RAPGEF5: variants seen among roughly 807,000 people sequenced by gnomAD.
The protein encoded by RAPGEF5 is M-Ras-regulated GEF.
RAPGEF5 carries 65 observed loss-of-function variants against 125.2 expected under a neutral mutation model. The ratio of observed to expected loss-of-function variants is 0.52; its 90% CI spans 0.43 to 0.64. RAPGEF5 has a LOEUF of 0.64. Among genes scored for constraint, RAPGEF5 ranks in the 30% least tolerant of loss-of-function variants. The pLI, the probability that RAPGEF5 is intolerant of heterozygous loss-of-function variation, is 0.00. For missense variants in RAPGEF5, 958 were observed against 1,048.1 expected, an observed-to-expected ratio of 0.91 and a Z score of 1.19; for synonymous variants, 391 against 385.9, an observed-to-expected ratio of 1.01 and a Z score of -0.16.
chr7:22,222,648 T>C (rs1785820209), intron 8 of RAPGEF5, among the ~76,000 whole-genome samples: 1 of 152,180 alleles, frequency 6.6e-6, no homozygotes, highest in South Asian at 2.1e-4. Flanking sequence ...ACAATTTCCT[T>C]ATAGGCTGTA....
Position 22,121,835 on chromosome 7 carries a change from T to C in RAPGEF5, c.*571A>G, listed in dbSNP as rs1323959449. Reference sequence around the variant, plus strand: ...CATTGTTCATCTGCCCATCAGAGCATGGATGCTAGCTGCAGTCCTCACTAA... The same window carrying C: ...CATTGTTCATCTGCCCATCAGAGCACGGATGCTAGCTGCAGTCCTCACTAA... On this transcript the variant is annotated 3_prime_UTR_variant, in exon 26 of 26. Transcript: ENST00000665637. 1 of 153,700 alleles carries C rather than the reference T, an allele frequency of 6.5e-6. No individual in the cohort carries two copies. The highest frequency in any genetic ancestry group is 1.5e-5 in the Non-Finnish European group (1 of 68,706). The allele number at this position is 153,700 out of a possible 1,614,324, so 9.5% of individuals were successfully genotyped here.
intron 16 of RAPGEF5, among the ~76,000 whole-genome samples, chr7:22,154,855 T>C (rs1240598938): frequency 6.6e-6 from 1 of 152,212 alleles, no homozygotes; most frequent in African/African-American, 2.4e-5. Flanking sequence ...AAGTAGTATT[T>C]AATCTTTTCA....
At chr7:22,142,063 T>C (rs966324468) in intron 20 of RAPGEF5, among the ~76,000 whole-genome samples, 3 of 152,134 alleles carry the variant, frequency 2.0e-5, no homozygotes, top group African/African-American at 7.2e-5. Flanking sequence ...TCCTCCTGAG[T>C]TGATGTTTTG....
At chr7:22,160,945 C>A (rs879359796) in intron 13 of RAPGEF5, among the ~76,000 whole-genome samples, 1 of 152,074 alleles carries the variant, frequency 6.6e-6, no homozygotes, top group Non-Finnish European at 1.5e-5. Flanking sequence ...GCCTGTAATT[C>A]CAACACTTTG....
chr7:22,215,821 T>C (rs1785624048), intron 9 of RAPGEF5, among the ~76,000 whole-genome samples: 1 of 152,150 alleles, frequency 6.6e-6, no homozygotes, highest in Non-Finnish European at 1.5e-5. Flanking sequence ...GAAAGAAAAG[T>C]TTGTGTAGTC....
At chr7:22,233,009 A>G (rs1368434494) in intron 7 of RAPGEF5, among the ~76,000 whole-genome samples, 1 of 152,214 alleles carries the variant, frequency 6.6e-6, no homozygotes, top group East Asian at 1.9e-4. Flanking sequence ...AGTTCCATTC[A>G]TGCCTGTTCA....
chr7:22,221,937 T>C (rs2128132961), intron 8 of RAPGEF5, among the ~76,000 whole-genome samples: 1 of 152,114 alleles, frequency 6.6e-6, no homozygotes, highest in Middle Eastern at 3.4e-3. Flanking sequence ...GAGAATATGG[T>C]AGTGAACATA....
At chr7:22,244,060 T>C (rs1256977515) in intron 7 of RAPGEF5, among the ~76,000 whole-genome samples, 3 of 152,216 alleles carry the variant, frequency 2.0e-5, no homozygotes, top group Admixed American at 1.3e-4. Context: ...TCTCTTTCTG[T>C]GCCTGGCTTA....
At chr7:22,290,639 G>A (rs1782910144) in intron 6 of RAPGEF5, among the ~76,000 whole-genome samples, 1 of 151,112 alleles carries the variant, frequency 6.6e-6, no homozygotes, top group Non-Finnish European at 1.5e-5. Flanking sequence ...CAGCTACTTG[G>A]GAGGCTGAGG....
intron 18 of RAPGEF5, 121 bp from the exon 19 acceptor site, chr7:22,147,140 A>T (rs917198442): frequency 1.6e-6 from 2 of 1,283,232 alleles, no homozygotes; most frequent in African/African-American, 3.0e-5. Flanking sequence ...AGTGCACTTA[A>T]TATTTTCCCT....
At chr7:22,143,743 A>T (rs1355259509) in intron 20 of RAPGEF5, among the ~76,000 whole-genome samples, 2 of 152,196 alleles carry the variant, frequency 1.3e-5, no homozygotes, top group Non-Finnish European at 2.9e-5. Flanking sequence ...CCCTTGGGGT[A>T]TGAGCTCTCG....
At chr7:22,171,066 G>GTGGT (rs1784335302) in intron 11 of RAPGEF5, among the ~76,000 whole-genome samples, 1 of 150,860 alleles carries the variant, frequency 6.6e-6, no homozygotes, top group Non-Finnish European at 1.5e-5. Flanking sequence ...AAGTAATTGA[G>GTGGT]TGGTATGAAT....
intron 11 of RAPGEF5, among the ~76,000 whole-genome samples, chr7:22,184,633 C>A (rs1309463068): frequency 2.4e-4 from 36 of 152,202 alleles, no homozygotes; most frequent in Admixed American, 2.4e-3. Context: ...AAAACTTCCA[C>A]ATTTTTCCGT....
At chr7:22,138,801 T>C (rs1342498213) in intron 21 of RAPGEF5, among the ~76,000 whole-genome samples, 2 of 152,196 alleles carry the variant, frequency 1.3e-5, no homozygotes, top group Admixed American at 6.5e-5. Flanking sequence ...AATTGAGTTA[T>C]TTCTCCTCTC....
intron 9 of RAPGEF5, among the ~76,000 whole-genome samples, chr7:22,201,555 A>G (rs1367701866): frequency 2.0e-5 from 3 of 152,196 alleles, no homozygotes; most frequent in Admixed American, 2.0e-4. Flanking sequence ...AAAAAATCTA[A>G]AAGCTTTAGG....
chr7:22,139,979 T>G (rs1454916467), intron 21 of RAPGEF5, 46 bp downstream of exon 21: 2 of 1,462,652 alleles, frequency 1.4e-6, no homozygotes, highest in African/African-American at 1.4e-5. Context: ...GTAAATTACT[T>G]TATTTCCATT....
intron 1 of RAPGEF5, among the ~76,000 whole-genome samples, chr7:22,334,297 A>C (rs1289646310): frequency 6.6e-6 from 1 of 152,240 alleles, no homozygotes; most frequent in East Asian, 1.9e-4. Context: ...AATGATCATG[A>C]AAACATAGTA....
chr7:22,280,871 A>T (rs1310130382), intron 6 of RAPGEF5, among the ~76,000 whole-genome samples: 1 of 152,212 alleles, frequency 6.6e-6, no homozygotes, highest in Non-Finnish European at 1.5e-5. Flanking sequence ...TCATTCAAAC[A>T]ATCTAGGTGA....
At chr7:22,254,660 G>A (rs967403937) in intron 7 of RAPGEF5, among the ~76,000 whole-genome samples, 5 of 150,970 alleles carry the variant, frequency 3.3e-5, no homozygotes, top group Admixed American at 3.3e-4. Context: ...TCATAGAGCA[G>A]TCCTCAACCT....
Sources: gnomAD v4.1 joint callset for allele counts (sites outside exome capture counted in the v4.1 genomes callset) on GRCh38, gnomAD v4.1.1 for gene constraint, MANE v1.5 for transcripts, NCBI Gene and HGNC (gene_info 2026-07-23, HGNC 2026-07-21) for gene names.